PPP3R1: variants seen among roughly 807,000 people sequenced by gnomAD.
The protein encoded by PPP3R1 is protein phosphatase 3 regulatory subunit B, alpha, also known as calcineurin subunit B type 1.
In PPP3R1, 5 loss-of-function variants were observed where a neutral mutation model predicts 22.6. That is an observed-to-expected ratio of 0.22 (90% CI 0.12 to 0.46). PPP3R1 has a LOEUF of 0.46. Ranked by LOEUF, PPP3R1 falls within the 20% of genes least tolerant of loss-of-function variation. The pLI is 0.99. For missense variants in PPP3R1, 61 were observed against 203.2 expected, an observed-to-expected ratio of 0.30 and a Z score of 4.25; for synonymous variants, 56 against 65.2, an observed-to-expected ratio of 0.86 and a Z score of 0.68.
chr2:68,186,370 A>T, intron 5 of PPP3R1, 98 bp downstream of exon 5: 1 of 1,205,536 alleles, frequency 8.3e-7, no homozygotes, highest in Non-Finnish European at 1.2e-6. Flanking sequence ...TCAAATACTT[A>T]AGTTTTTAGG....
At chr2:68,214,612 C>G (rs561528514) in intron 2 of PPP3R1, among the ~76,000 whole-genome samples, 1 of 152,168 alleles carries the variant, frequency 6.6e-6, no homozygotes, top group Non-Finnish European at 1.5e-5. Flanking sequence ...ATGGCTATTA[C>G]TAAAACATCT....
chr2:68,212,287 G>A (rs1328173099), intron 2 of PPP3R1, among the ~76,000 whole-genome samples: 1 of 152,070 alleles, frequency 6.6e-6, no homozygotes, highest in African/African-American at 2.4e-5. Context: ...CACTATGTTG[G>A]CCAGGCTGGT....
At chr2:68,194,813 T>A (rs1674735780) in intron 2 of PPP3R1, among the ~76,000 whole-genome samples, 1 of 152,134 alleles carries the variant, frequency 6.6e-6, no homozygotes, top group African/African-American at 2.4e-5. Context: ...CAATTCCCAA[T>A]AATTGTATAG....
chr2:68,232,296 C>T (rs1198217689), intron 1 of PPP3R1, among the ~76,000 whole-genome samples: 1 of 135,314 alleles, frequency 7.4e-6, no homozygotes, highest in African/African-American at 2.7e-5. Flanking sequence ...CAAAAATTAG[C>T]CAGGCGTGAT....
rs1258791934 is a variant in PPP3R1, at chr2:68,252,165, T to A, written c.-38A>T. ...GTCGGCGGCTCGCTGGCTCGCTGGC[T>A]CGGAGAAGTGTTGCGCTCAGGCTGG... On this transcript the variant is annotated 5_prime_UTR_variant, in exon 1 of 6. Transcript: ENST00000234310. 2 of 1,400,104 alleles carry A rather than the reference T, an allele frequency of 1.4e-6. No homozygotes were observed. The highest frequency in any genetic ancestry group is 3.3e-5 in the East Asian group (1 of 30,438). The allele number at this position is 1,400,104 out of a possible 1,614,324, so 86.7% of individuals were successfully genotyped here. A position where few individuals can be genotyped will look rare whatever the true frequency, so the allele number is the denominator to read the frequency against.
At chr2:68,224,324 TG>T (rs1669742973) in intron 1 of PPP3R1, among the ~76,000 whole-genome samples, 1 of 152,096 alleles carries the variant, frequency 6.6e-6, no homozygotes, top group Non-Finnish European at 1.5e-5. Flanking sequence ...GGGATCTGAA[TG>T]AAAAACAACA....
chr2:68,217,021 C>A, intron 2 of PPP3R1, 71 bp downstream of exon 2: 1 of 1,072,760 alleles, frequency 9.3e-7, no homozygotes, highest in Non-Finnish European at 1.3e-6. Flanking sequence ...TACACACACA[C>A]ACACACACAC....
chr2:68,240,117 G>A (rs1302441745), intron 1 of PPP3R1, among the ~76,000 whole-genome samples: 1 of 152,196 alleles, frequency 6.6e-6, no homozygotes, highest in Non-Finnish European at 1.5e-5. Flanking sequence ...TTATCGGGAT[G>A]TAACCCCAAC....
chr2:68,251,837 C>A (rs1177322369), intron 1 of PPP3R1, among the ~76,000 whole-genome samples: 1 of 115,436 alleles, frequency 8.7e-6, no homozygotes, highest in African/African-American at 3.5e-5. Context: ...CGATGCCGGG[C>A]GGGACCGGCG....
intron 4 of PPP3R1, 53 bp downstream of exon 4, chr2:68,187,202 G>GT: frequency 7.4e-7 from 1 of 1,351,522 alleles, no homozygotes. Flanking sequence ...CTATAATACA[G>GT]TATGAAATGA....
intron 5 of PPP3R1, among the ~76,000 whole-genome samples, 195 bp from the exon 6 acceptor site, chr2:68,181,205 C>T (rs1273914197): frequency 6.6e-6 from 1 of 152,088 alleles, no homozygotes; most frequent in African/African-American, 2.4e-5. Flanking sequence ...CTGGCTAACA[C>T]ACGGTGAAAC....
At chr2:68,201,259 TA>T (rs541191040) in intron 2 of PPP3R1, among the ~76,000 whole-genome samples, 12 of 152,122 alleles carry the variant, frequency 7.9e-5, no homozygotes, top group Middle Eastern at 3.4e-3. Context: ...TATTTTCCTT[TA>T]AAAAAAATTA....
intron 1 of PPP3R1, among the ~76,000 whole-genome samples, chr2:68,243,434 G>A (rs527328396): frequency 6.6e-6 from 1 of 152,222 alleles, no homozygotes; most frequent in African/African-American, 2.4e-5. Context: ...GGCTACTGGA[G>A]AAAAGGCTTA....
At chr2:68,200,517 G>A (rs1421266938) in intron 2 of PPP3R1, among the ~76,000 whole-genome samples, 5 of 152,306 alleles carry the variant, frequency 3.3e-5, no homozygotes, top group South Asian at 2.1e-4. Context: ...GCCATGTAAC[G>A]TAAGCAGTCA....
At position 68,197,229 on chromosome 2, in the gene PPP3R1, C is replaced by A. The variant is rs113897657; in HGVS notation, c.44-8539G>T. Among the ~76,000 whole-genome samples, 4 of 152,304 alleles carry A rather than the reference C, an allele frequency of 2.6e-5. 1 individual carries two copies. The highest frequency in any genetic ancestry group is 7.2e-5 in the African/African-American group (3 of 41,568). On this transcript the variant is annotated intron_variant, in intron 2 of 5. Coordinates refer to ENST00000234310, the MANE Select transcript of PPP3R1 (RefSeq NM_000945.4). ...ATCACCCTTTTCTTACCACCCTAGG[C>A]AACCACTGTTCTTTCTATAACTAAA...
intron 2 of PPP3R1, among the ~76,000 whole-genome samples, chr2:68,216,070 C>T (rs942381430): frequency 5.3e-5 from 8 of 151,902 alleles, no homozygotes; most frequent in Non-Finnish European, 1.2e-4. Context: ...CATAGAGGGA[C>T]GATCCTGTAT....
intron 2 of PPP3R1, among the ~76,000 whole-genome samples, chr2:68,193,837 T>C (rs558149089): frequency 6.6e-6 from 1 of 152,132 alleles, no homozygotes; most frequent in Non-Finnish European, 1.5e-5. Flanking sequence ...TTATAGAAGA[T>C]CTGCACTTAG....
intron 3 of PPP3R1, among the ~76,000 whole-genome samples, chr2:68,187,953 A>G (rs1674582616): frequency 6.6e-6 from 1 of 152,092 alleles, no homozygotes; most frequent in Admixed American, 6.6e-5. Flanking sequence ...GGATCACTTG[A>G]GGTCAGGAGT....
At chr2:68,186,743 T>G in intron 4 of PPP3R1, 91 bp from the exon 5 acceptor site, 1 of 1,156,060 alleles carries the variant, frequency 8.7e-7, no homozygotes, top group Non-Finnish European at 1.2e-6. Context: ...CTGACAAACA[T>G]CAAAATTATG....
Sources: allele counts gnomAD v4.1 joint callset (sites outside exome capture counted in the v4.1 genomes callset), GRCh38; gene constraint gnomAD v4.1.1; transcripts MANE v1.5; gene names NCBI Gene and HGNC (gene_info 2026-07-23, HGNC 2026-07-21).